The following RAPH1 variants were observed in gnomAD, a reference collection of about 807,000 sequenced individuals.
The protein encoded by RAPH1 is Ras association (RalGDS/AF-6) and pleckstrin homology domains 1.
A neutral mutation model predicts 88.1 loss-of-function variants in RAPH1; 18 were observed. The ratio of observed to expected loss-of-function variants is 0.20; its 90% CI spans 0.14 to 0.30. The LOEUF (loss-of-function observed/expected upper bound fraction) is 0.30. RAPH1 is among the 10% of genes least tolerant of loss of function. The pLI is 1.00. For missense variants in RAPH1, 1,448 were observed against 1,543.2 expected (o/e 0.94, Z 1.03); for synonymous variants, 587 against 559.0 (o/e 1.05, Z -0.71).
chr2:203,446,975 C>T (rs1223668837), intron 12 of RAPH1: 1 of 151,420 alleles, frequency 6.6e-6, no homozygotes, highest in Non-Finnish European at 1.5e-5. Context: ...TGGTTTTGAA[C>T]TACTGGGCTC....
rs141607796 is a variant in RAPH1 at position 203,458,586 on chromosome 2, T to C, written c.1093-991A>G. On this transcript the variant is annotated intron_variant, in intron 7 of 13. Coordinates refer to ENST00000319170, the MANE Select transcript of RAPH1 (RefSeq NM_213589.3). ...TCTCTAGATTACTTACAATACCTAA[T>C]ACAATGCCTACCTATCATTTAATTT... Among the ~76,000 whole-genome samples, 531 of 152,288 alleles carry C rather than the reference T, an allele frequency of 3.5e-3. 3 individuals are homozygous for C. Among genetic ancestry groups the C allele is most frequent in the African/African-American group, 0.012 (501 of 41,572 alleles).
At chr2:203,446,194 G>A (rs981583798) in intron 12 of RAPH1, 1 of 152,128 alleles carries the variant, frequency 6.6e-6, no homozygotes, top group Non-Finnish European at 1.5e-5. Flanking sequence ...TGTTTTTGAT[G>A]ACTTAGACAG....
Position 203,506,862 on chromosome 2 carries a change from A to C in RAPH1, c.1-11509T>G, listed in dbSNP as rs1240183642. Among the ~76,000 whole-genome samples, 249 of 76,606 alleles carry C rather than the reference A, an allele frequency of 3.3e-3. 10 individuals carry two copies. Among genetic ancestry groups the C allele is most frequent in the East Asian group, 0.015 (56 of 3,642 alleles). The allele number at this position is 76,606 out of a possible 152,430, so 50.3% of individuals were successfully genotyped here. On this transcript the variant is annotated intron_variant, in intron 1 of 13. Coordinates refer to ENST00000319170, the MANE Select transcript of RAPH1 (RefSeq NM_213589.3). ...TCTATATATCTATCTATATCTATAT[A>C]TATATATATATATATATAGATATAT...
At chr2:203,522,895 CAA>C (rs59862473) in intron 1 of RAPH1, among the ~76,000 whole-genome samples, 42,443 of 85,046 alleles carry the variant, frequency 0.5, 6,624 homozygotes, top group Middle Eastern at 0.63. Context: ...GACTCTGTCT[CAA>C]AAAAAAAAAA....
At chr2:203,480,037 C>T (rs1053161794) in intron 4 of RAPH1, among the ~76,000 whole-genome samples, 3 of 152,150 alleles carry the variant, frequency 2.0e-5, no homozygotes, top group African/African-American at 7.2e-5. Flanking sequence ...TTTTGCTGTA[C>T]ATTTTCTCAG....
intron 13 of RAPH1, chr2:203,441,929 G>T: frequency 2.9e-6 from 4 of 1,368,066 alleles, no homozygotes; most frequent in East Asian, 2.9e-5. Flanking sequence ...GCTGACACAG[G>T]AGAGTATGAG....
In RAPH1 at chr2:203,509,257, A is replaced by G. The variant is rs557720959; in HGVS notation, c.1-13904T>C. 1.2e-3 allele frequency among the ~76,000 whole-genome samples: 178 copies of G among 151,878 alleles called. 2 individuals carry two copies. The Middle Eastern group carries it at 0.041, about 35-fold the overall frequency. ...GACTAATTTTTGTATTTTTATAGAG[A>G]TGAGATTTTGCCATGTTGTTCTCAA... On this transcript the variant is annotated intron_variant, in intron 1 of 13. Transcript: ENST00000319170.
intron 4 of RAPH1, among the ~76,000 whole-genome samples, chr2:203,486,466 AGAGT>A (rs1160817481): frequency 6.6e-6 from 1 of 152,182 alleles, no homozygotes; most frequent in African/African-American, 2.4e-5. Context: ...CTTCTGGAGT[AGAGT>A]GAGAAGTCAA....
chr2:203,501,514 C>G (rs1688737728), intron 1 of RAPH1, among the ~76,000 whole-genome samples: 1 of 152,166 alleles, frequency 6.6e-6, no homozygotes, highest in African/African-American at 2.4e-5. Flanking sequence ...CGCCAGTAAT[C>G]CTAGCAACTT....
intron 4 of RAPH1, among the ~76,000 whole-genome samples, chr2:203,468,715 G>A (rs1169088174): frequency 6.6e-6 from 1 of 152,140 alleles, no homozygotes. Flanking sequence ...AAATATTGTT[G>A]AATTGGCAAT....
intron 1 of RAPH1, among the ~76,000 whole-genome samples, chr2:203,527,734 A>C (rs533470541): frequency 3.4e-5 from 5 of 146,014 alleles, no homozygotes; most frequent in African/African-American, 1.3e-4. Flanking sequence ...CGGGAGGCGA[A>C]GGTTGTGGTG....
chr2:203,516,845 A>G (rs574490656), intron 1 of RAPH1, among the ~76,000 whole-genome samples: 2 of 152,248 alleles, frequency 1.3e-5, no homozygotes, highest in African/African-American at 4.8e-5. Context: ...CATCCTGGCT[A>G]ACACGGTGAC....
intron 1 of RAPH1, among the ~76,000 whole-genome samples, chr2:203,504,345 C>T (rs866898266): frequency 1.6e-4 from 24 of 152,334 alleles, no homozygotes; most frequent in Non-Finnish European, 2.6e-4. Context: ...TCTGTGCACC[C>T]GCAGGCTCAA....
chr2:203,517,725 AT>A (rs1284731394), intron 1 of RAPH1, among the ~76,000 whole-genome samples: 2 of 152,196 alleles, frequency 1.3e-5, no homozygotes, highest in African/African-American at 4.8e-5. Context: ...ATTGAAAAAA[AT>A]ATCAAAATAC....
In RAPH1 at chr2:203,455,526, A is replaced by G; in HGVS notation, c.1213T>C (p.Leu405=). The G allele has an allele frequency of 6.2e-7, 1 of 1,613,682 alleles. No individual in the cohort carries two copies. Among genetic ancestry groups the G allele is most frequent in the South Asian group, 1.1e-5 (1 of 91,058 alleles). Residue 405 remains leucine (L), a synonymous_variant, in exon 9 of 14, where the codon TTG becomes CTG. Coordinates refer to ENST00000319170, the MANE Select transcript of RAPH1 (RefSeq NM_213589.3). ...CAGGACTTCTTGCCATCATCCTTCAACCAAAGGACTCCTTCAATTTCTGGT... is the reference window on the plus strand; with the variant it reads ...CAGGACTTCTTGCCATCATCCTTCAGCCAAAGGACTCCTTCAATTTCTGGT... ...TVPEIEGVLW[L]KDDGKKSWKK... is the part of the protein sequence containing the mutation.
Position 203,459,899 on chromosome 2 carries a change from G to C in RAPH1, c.1092+8C>G, listed in dbSNP as rs1176150441. ...AAATCCTGACCTCTGTAAGTTGTTT[G>C]GTCTTACCTGTGGGTTTTTGAAAAG... On this transcript the variant is annotated splice_region_variant and intron_variant, in intron 7 of 13. Transcript: ENST00000319170. The C allele has an allele frequency of 1.9e-6, 3 of 1,610,624 alleles. No homozygotes were observed. Among genetic ancestry groups the C allele is most frequent in the Non-Finnish European group, 1.7e-6 (2 of 1,178,738 alleles).
chr2:203,497,382 T>C (rs1251515746), intron 1 of RAPH1, among the ~76,000 whole-genome samples: 2 of 152,172 alleles, frequency 1.3e-5, no homozygotes, highest in East Asian at 3.8e-4. Flanking sequence ...ATCCACAAAA[T>C]TATATCTGGG....
At chr2:203,486,431 G>GTA (rs1559479495) in intron 4 of RAPH1, among the ~76,000 whole-genome samples, 1 of 152,090 alleles carries the variant, frequency 6.6e-6, no homozygotes, top group African/African-American at 2.4e-5. Context: ...AGAAGAAGCT[G>GTA]TATATAGACA....
chr2:203,501,603 TA>T (rs1228776199), intron 1 of RAPH1, among the ~76,000 whole-genome samples: 3 of 151,950 alleles, frequency 2.0e-5, no homozygotes, highest in Non-Finnish European at 4.4e-5. Flanking sequence ...CCTCATCTCT[TA>T]AAAAAATAAA....
Sources: allele counts gnomAD v4.1 joint callset (sites outside exome capture counted in the v4.1 genomes callset), GRCh38; gene constraint gnomAD v4.1.1; transcripts MANE v1.5; gene names NCBI Gene and HGNC (gene_info 2026-07-23, HGNC 2026-07-21).